DLG2: variants seen among roughly 807,000 people sequenced by gnomAD.
DLG2 encodes discs large MAGUK scaffold protein 2.
DLG2 carries 45 observed loss-of-function variants against 132.5 expected under a neutral mutation model. The ratio of observed to expected loss-of-function variants is 0.34; its 90% confidence interval spans 0.27 to 0.44. The LOEUF (loss-of-function observed/expected upper bound fraction) is 0.44, where lower values mean the gene tolerates loss of function less well. Among genes scored for constraint, DLG2 ranks in the 20% least tolerant of loss-of-function variants. The probability of loss-of-function intolerance (pLI) is 1.00; values close to 1 mark genes in which losing one functional copy is unlikely to be tolerated. For missense variants in DLG2, 1,045 were observed against 1,196.9 expected (o/e 0.87, Z 1.87); for synonymous variants, 424 against 419.6 (o/e 1.01, Z -0.13).
At chr11:84,405,333 C>T (rs1368493658) in intron 7 of DLG2, among the ~76,000 whole-genome samples, 5 of 152,174 alleles carry the variant, frequency 3.3e-5, no homozygotes, top group Non-Finnish European at 5.9e-5. Flanking sequence ...GAAGACCAAG[C>T]ACCATACATT....
chr11:84,970,106 T>G (rs554537636), intron 6 of DLG2, among the ~76,000 whole-genome samples: 38 of 152,178 alleles, frequency 2.5e-4, no homozygotes, highest in African/African-American at 9.2e-4. Flanking sequence ...CCATGGCACG[T>G]GTATACCCAT....
At chr11:84,208,045 T>C (rs2096698074) in intron 8 of DLG2, among the ~76,000 whole-genome samples, 2 of 152,340 alleles carry the variant, frequency 1.3e-5, no homozygotes, top group African/African-American at 4.8e-5. Flanking sequence ...AAAGGATCTA[T>C]GAATCCACCT....
intron 18 of DLG2, among the ~76,000 whole-genome samples, chr11:83,677,091 C>T (rs2077855937): frequency 6.6e-6 from 1 of 152,124 alleles, no homozygotes; most frequent in South Asian, 2.1e-4. Flanking sequence ...ATACTAACAG[C>T]TATTTTCTCC....
rs538773883 is a variant in DLG2 at position 84,257,095 on chromosome 11, T to G, written c.520-5804A>C. The stretch of plus-strand genomic sequence containing the variant: ...GTACCGGATTAGATATGCTGAGTGT[T>G]GAACACAGGATAACTGTATTGTGTA... On this transcript the variant is annotated intron_variant, in intron 7 of 27. Transcript: ENST00000376104. Among the ~76,000 whole-genome samples the G allele has an allele frequency of 8.6e-4, 131 of 152,324 alleles. 1 individual carries two copies. In the South Asian group the frequency reaches 0.015, roughly 18 times the overall value.
At chr11:83,606,396 C>T (rs1281736636) in intron 19 of DLG2, among the ~76,000 whole-genome samples, 1 of 152,012 alleles carries the variant, frequency 6.6e-6, no homozygotes, top group Non-Finnish European at 1.5e-5. Context: ...AGTGAGGAAA[C>T]CTTAGATGGG....
At chr11:85,430,127 C>T (rs2091065756) in intron 3 of DLG2, among the ~76,000 whole-genome samples, 1 of 149,256 alleles carries the variant, frequency 6.7e-6, no homozygotes, top group Non-Finnish European at 1.5e-5. Context: ...CCAAACACCA[C>T]ATGTTCTCAC....
chr11:84,416,979 C>T (rs1209102937), intron 7 of DLG2, among the ~76,000 whole-genome samples: 1 of 152,024 alleles, frequency 6.6e-6, no homozygotes, highest in African/African-American at 2.4e-5. Context: ...AATTTGGATT[C>T]GACGAATACT....
intron 9 of DLG2, among the ~76,000 whole-genome samples, chr11:84,117,532 A>C (rs2093691866): frequency 6.6e-6 from 1 of 152,114 alleles, no homozygotes; most frequent in African/African-American, 2.4e-5. Flanking sequence ...TCCATTTCTA[A>C]GCCTTCTTTC....
chr11:84,190,857 G>C (rs1377039178), intron 8 of DLG2, among the ~76,000 whole-genome samples: 3 of 152,040 alleles, frequency 2.0e-5, no homozygotes, highest in African/African-American at 7.2e-5. Context: ...AGAAAAATAG[G>C]AACAGCTATC....
intron 6 of DLG2, among the ~76,000 whole-genome samples, chr11:84,567,516 C>T (rs563416730): frequency 2.0e-5 from 3 of 152,284 alleles, no homozygotes; most frequent in African/African-American, 4.8e-5. Flanking sequence ...CTCTTTAATA[C>T]CTTTTCCAAC....
intron 3 of DLG2, among the ~76,000 whole-genome samples, chr11:85,306,397 T>C (rs1316248493): frequency 6.6e-6 from 1 of 152,098 alleles, no homozygotes; most frequent in Non-Finnish European, 1.5e-5. Flanking sequence ...AGATAAATGT[T>C]TGAGATGGGT....
intron 21 of DLG2, among the ~76,000 whole-genome samples, chr11:83,519,830 T>G (rs995521851): frequency 2.0e-5 from 3 of 152,206 alleles, no homozygotes; most frequent in African/African-American, 7.2e-5. Flanking sequence ...ATTCCATCCA[T>G]TGGCAATCGT....
chr11:85,549,946 G>A (rs754270677), intron 3 of DLG2, among the ~76,000 whole-genome samples: 1 of 152,162 alleles, frequency 6.6e-6, no homozygotes, highest in Non-Finnish European at 1.5e-5. Context: ...GAAAACTCAT[G>A]AATAATCCAT....
chr11:85,103,185 TC>T (rs1277663624), intron 6 of DLG2, among the ~76,000 whole-genome samples: 1 of 151,988 alleles, frequency 6.6e-6, no homozygotes. Flanking sequence ...GCAATATTCC[TC>T]AAATTGATGT....
chr11:85,330,794 A>T (rs920435268), intron 3 of DLG2, among the ~76,000 whole-genome samples: 25 of 22,554 alleles, frequency 1.1e-3, no homozygotes, highest in East Asian at 3.9e-3. Flanking sequence ...AAAAAAATTA[A>T]AAAAAAAAAA....
At chr11:84,616,770 A>G (rs1469581974) in intron 6 of DLG2, among the ~76,000 whole-genome samples, 1 of 152,130 alleles carries the variant, frequency 6.6e-6, no homozygotes, top group Non-Finnish European at 1.5e-5. Flanking sequence ...CACTTTTGAG[A>G]AGGTGCTTAA....
intron 7 of DLG2, among the ~76,000 whole-genome samples, chr11:84,383,535 TTGGAGAGAGACTCTCATGTTG>T (rs2098756462): frequency 6.6e-6 from 1 of 152,098 alleles, no homozygotes; most frequent in African/African-American, 2.4e-5. Flanking sequence ...TCTTAGAAGA[TTGGAGAGAGACTCTCATGTTG>T]GCCTTAAAGA....
intron 6 of DLG2, among the ~76,000 whole-genome samples, chr11:85,055,293 T>G (rs1037702500): frequency 3.3e-5 from 5 of 152,186 alleles, no homozygotes; most frequent in Admixed American, 1.3e-4. Context: ...ACTTTGACTA[T>G]GATAAACTAA....
chr11:85,130,189 A>G (rs1410362718), intron 5 of DLG2, among the ~76,000 whole-genome samples: 2 of 152,236 alleles, frequency 1.3e-5, no homozygotes. Context: ...CATGTATCCC[A>G]GAACTTAAAG....
Sources: allele counts gnomAD v4.1 joint callset (sites outside exome capture counted in the v4.1 genomes callset), GRCh38; gene constraint gnomAD v4.1.1; transcripts MANE v1.5; gene names NCBI Gene and HGNC (gene_info 2026-07-23, HGNC 2026-07-21).